NMNAT3: variants seen among roughly 807,000 people sequenced by gnomAD.
NMNAT3 encodes the protein nicotinamide/nicotinic acid mononucleotide adenylyltransferase 3.
NMNAT3 carries 21 observed loss-of-function variants against 24.8 expected under a neutral mutation model. The observed-to-expected ratio is 0.85, with a 90% CI of 0.60 to 1.22. NMNAT3 has a LOEUF of 1.22. Ranked by LOEUF, NMNAT3 falls within the 50% of genes most tolerant of loss-of-function variation. The pLI is 0.00. For synonymous variants in NMNAT3, 136 were observed against 155.2 expected (o/e 0.88, Z 0.92); for missense variants, 387 against 436.6 (o/e 0.89, Z 1.01).
At chr3:139,653,990 C>G (rs928940079) in intron 1 of NMNAT3, among the ~76,000 whole-genome samples, 1 of 152,214 alleles carries the variant, frequency 6.6e-6, no homozygotes, top group Non-Finnish European at 1.5e-5. Context: ...CTGCTCCCCC[C>G]TCTTGTCCCT....
intron 1 of NMNAT3, among the ~76,000 whole-genome samples, chr3:139,669,929 T>C (rs2057704913): frequency 6.6e-6 from 1 of 152,208 alleles, no homozygotes; most frequent in Admixed American, 6.5e-5. Flanking sequence ...AAGCCTTCCT[T>C]TAAAGTGTTG....
chr3:139,561,426 A>G (rs1336784267), intron 6 of NMNAT3, 34 bp from the exon 7 acceptor site: 8 of 1,587,760 alleles, frequency 5.0e-6, no homozygotes, highest in Non-Finnish European at 6.9e-6. Context: ...GTAAAGTTAG[A>G]GAGAGGTCAC....
At chr3:139,604,967 T>G (rs557188863) in intron 3 of NMNAT3, among the ~76,000 whole-genome samples, 2 of 152,174 alleles carry the variant, frequency 1.3e-5, no homozygotes, top group Non-Finnish European at 2.9e-5. Flanking sequence ...TTCATGCCAG[T>G]AAGTATGCAA....
intron 1 of NMNAT3, among the ~76,000 whole-genome samples, chr3:139,644,181 C>T (rs531197685): frequency 6.6e-6 from 1 of 152,238 alleles, no homozygotes; most frequent in South Asian, 2.1e-4. Flanking sequence ...CAGCTGCAAC[C>T]AACATCAACC....
chr3:139,660,169 A>C (rs9856012), intron 1 of NMNAT3, among the ~76,000 whole-genome samples: 17,238 of 152,234 alleles, frequency 0.11, 1,093 homozygotes, highest in Non-Finnish European at 0.14. Flanking sequence ...CTGAGTACAG[A>C]CAGGGTGGGT....
At chr3:139,586,301 A>G (rs2053936970) in intron 3 of NMNAT3, among the ~76,000 whole-genome samples, 1 of 152,200 alleles carries the variant, frequency 6.6e-6, no homozygotes, top group Non-Finnish European at 1.5e-5. Context: ...TGATGAAATA[A>G]TCTGTGCAAT....
At chr3:139,592,304 A>C (rs1459851303) in intron 3 of NMNAT3, among the ~76,000 whole-genome samples, 2 of 152,208 alleles carry the variant, frequency 1.3e-5, no homozygotes, top group Non-Finnish European at 1.5e-5. Flanking sequence ...AGTGTCCAAG[A>C]AATATGGGAC....
chr3:139,653,540 A>G (rs533747225), intron 1 of NMNAT3, among the ~76,000 whole-genome samples: 1 of 152,350 alleles, frequency 6.6e-6, no homozygotes, highest in Admixed American at 6.5e-5. Context: ...GCCAGCACTG[A>G]CACTTTTGGA....
At chr3:139,638,805 C>A (rs909461723) in intron 1 of NMNAT3, among the ~76,000 whole-genome samples, 1 of 152,152 alleles carries the variant, frequency 6.6e-6, no homozygotes, top group Non-Finnish European at 1.5e-5. Context: ...CTGCTTAATC[C>A]CTTCCCCACC....
chr3:139,658,930 C>T (rs2057330714), intron 1 of NMNAT3, among the ~76,000 whole-genome samples: 1 of 152,164 alleles, frequency 6.6e-6, no homozygotes, highest in Non-Finnish European at 1.5e-5. Context: ...CTCTCAATCC[C>T]CCTGCACCCC....
chr3:139,619,974 T>C (rs1254473409), intron 3 of NMNAT3, among the ~76,000 whole-genome samples: 1 of 152,176 alleles, frequency 6.6e-6, no homozygotes, highest in African/African-American at 2.4e-5. Context: ...CCATCTAATA[T>C]CCAGCCAGTC....
intron 1 of NMNAT3, among the ~76,000 whole-genome samples, chr3:139,640,179 T>A (rs911191018): frequency 6.6e-5 from 10 of 152,056 alleles, no homozygotes; most frequent in Admixed American, 2.0e-4. Flanking sequence ...ACCATGACCA[T>A]CAGTATGGGT....
intron 1 of NMNAT3, among the ~76,000 whole-genome samples, chr3:139,661,845 C>T (rs2057425334): frequency 6.6e-6 from 1 of 152,052 alleles, no homozygotes; most frequent in South Asian, 2.1e-4. Context: ...AAATAAAGTC[C>T]ACTTTCTAAA....
At chr3:139,632,941 C>T (rs185430498) in intron 2 of NMNAT3, among the ~76,000 whole-genome samples, 1 of 152,026 alleles carries the variant, frequency 6.6e-6, no homozygotes, top group Non-Finnish European at 1.5e-5. Context: ...ATCATGAAGG[C>T]CCCCATAAAG....
chr3:139,596,955 TATATATATA>T (rs1559891269), intron 3 of NMNAT3, among the ~76,000 whole-genome samples: 45 of 87,764 alleles, frequency 5.1e-4, no homozygotes, highest in African/African-American at 7.0e-4. Context: ...TATATATATA[TATATATATA>T]TTTTTATTAC....
intron 6 of NMNAT3, chr3:139,565,924 T>C (rs1214226720): frequency 1.3e-5 from 2 of 152,364 alleles, no homozygotes; most frequent in East Asian, 3.9e-4. Flanking sequence ...TCTAGATCCC[T>C]GAGGAATCGC....
At chr3:139,611,185 A>G (rs989456508) in intron 3 of NMNAT3, among the ~76,000 whole-genome samples, 1 of 152,184 alleles carries the variant, frequency 6.6e-6, no homozygotes, top group Non-Finnish European at 1.5e-5. Flanking sequence ...AAAAGAAAAC[A>G]GGAGAAACTG....
At chr3:139,581,703 G>A (rs565610834) in intron 4 of NMNAT3, among the ~76,000 whole-genome samples, 31 of 152,262 alleles carry the variant, frequency 2.0e-4, no homozygotes, top group South Asian at 6.2e-4. Context: ...GTTGGAGAGC[G>A]TGGAAGTGTG....
intron 3 of NMNAT3, among the ~76,000 whole-genome samples, chr3:139,596,955 T>C (rs1199492559): frequency 2.3e-5 from 2 of 87,770 alleles, no homozygotes; most frequent in Non-Finnish European, 4.4e-5. Context: ...TATATATATA[T>C]ATATATATAT....
Sources: allele counts gnomAD v4.1 joint callset (sites outside exome capture counted in the v4.1 genomes callset), GRCh38; gene constraint gnomAD v4.1.1; transcripts MANE v1.5; gene names NCBI Gene and HGNC (gene_info 2026-07-23, HGNC 2026-07-21).